The following TRPM1 variants were observed in gnomAD, a reference collection of about 807,000 sequenced individuals.
TRPM1 encodes transient receptor potential cation channel subfamily M member 1, also known as TRPM1-203 APA Isoform, Intron 10.
TRPM1 carries 113 observed loss-of-function variants against 149.4 expected under a neutral mutation model. The observed-to-expected ratio is 0.76, with a 90% confidence interval of 0.65 to 0.88. The LOEUF is 0.88. Ranked by LOEUF, TRPM1 falls within the 40% of genes least tolerant of loss-of-function variation. TRPM1 has a pLI of 0.00. For synonymous variants in TRPM1, 741 were observed against 759.5 expected, an observed-to-expected ratio of 0.98 and a Z score of 0.40; for missense variants, 1,976 against 2,038.7, an observed-to-expected ratio of 0.97 and a Z score of 0.59.
At position 31,035,533 on chromosome 15, in the gene TRPM1, T is replaced by C. The variant is rs1358402291; in HGVS notation, c.2700+13A>G. 18 of 1,613,958 alleles carry C rather than the reference T, an allele frequency of 1.1e-5. No individual in the cohort carries two copies. Among genetic ancestry groups the C allele is most frequent in the Non-Finnish European group, 1.4e-5 (17 of 1,179,994 alleles). On this transcript the variant is annotated intron_variant, in intron 21 of 27. Transcript: ENST00000256552. ...GCGGTTAGTGGGCTGGGGGAGGCCT[T>C]TGGAGTAGCCACCTCTCGTATCTTC... is the stretch of plus-strand genomic sequence containing the variant.
rs762017736 is a variant in TRPM1 at position 31,028,368 on chromosome 15, T to C, written c.3257A>G (p.Asn1086Ser). 3.1e-6 allele frequency: 5 copies of C among 1,614,170 alleles called. No homozygotes were observed. The highest frequency in any genetic ancestry group is 1.7e-5 in the Admixed American group (1 of 60,022). The change falls in exon 25 of 28, where the codon AAC becomes AGC. Residue 1086 changes from asparagine (N) to serine (S), a missense_variant. By Grantham distance (46) the Asn-to-Ser change is conservative. This residue lies in a region of TRPM1 where 72 missense variants were observed against 112.7 expected (regional missense o/e 0.64). Transcript: ENST00000256552. The part of the protein sequence containing the change: ...ALMACYLLVA[N>S]ILLVNLLIAV... ...AATCAGCAGGTTCACCAGCAGGATG[T>C]TGGCGACCAGTAGATAGCACGCCAT...
Position 31,027,016 on chromosome 15 carries a change from G to A in TRPM1, c.3395C>T (p.Pro1132Leu), listed in dbSNP as rs752745878. Residue 1132 changes from proline (P) to leucine (L), a missense_variant, in exon 26 of 28, where the codon CCG becomes CTG. By Grantham distance (98) the Pro-to-Leu change is moderately conservative (BLOSUM62 -3). Coordinates refer to ENST00000256552, the MANE Select transcript of TRPM1 (RefSeq NM_001252024.2). ...TFHDRPVLPP[P>L]MIILSHIYII... ...GTAGATGTGGCTTAAAATGATCATCGGTGGGGGCAGGACTGGCCTGTCATG... is the reference window on the plus strand; with the variant it reads ...GTAGATGTGGCTTAAAATGATCATCAGTGGGGGCAGGACTGGCCTGTCATG... The A allele has an allele frequency of 4.3e-6, 7 of 1,614,146 alleles. No individual in the cohort carries two copies. The highest frequency in any genetic ancestry group is 2.2e-5 in the South Asian group (2 of 91,084).
In TRPM1 at chr15:31,134,950, G is replaced by A. The variant is rs11853130; in HGVS notation, c.54+25956C>T. Among the ~76,000 whole-genome samples, 1,117 of 152,158 alleles carry A rather than the reference G, an allele frequency of 7.3e-3. 24 individuals carry two copies. The highest frequency in any genetic ancestry group is 0.026 in the African/African-American group (1,061 of 41,530). On this transcript the variant is annotated intron_variant, in intron 1 of 26. Transcript: ENST00000542188. ...TCTGGGAGGCAGCGGAGGTTGCAGT[G>A]AGCCAAGATCGTACTCCAGCCTGGG...
At chr15:31,028,872 A>G (rs1488483053) in intron 24 of TRPM1, among the ~76,000 whole-genome samples, 1 of 152,136 alleles carries the variant, frequency 6.6e-6, no homozygotes, top group Non-Finnish European at 1.5e-5. Flanking sequence ...TGGCTTTCAA[A>G]TATAAAAGTC....
chr15:31,144,460 C>T (rs1253858575), intron 1 of TRPM1, among the ~76,000 whole-genome samples: 1 of 152,042 alleles, frequency 6.6e-6, no homozygotes, highest in Non-Finnish European at 1.5e-5. Context: ...AAATAAAAGT[C>T]CAATCTGAGA....
chr15:31,105,367 A>G (rs2035588040), upstream of TRPM1, among the ~76,000 whole-genome samples: 2 of 152,128 alleles, frequency 1.3e-5, no homozygotes, highest in Admixed American at 6.5e-5. Flanking sequence ...TTCAGAAACT[A>G]GGATCTGCTT....
intron 27 of TRPM1, among the ~76,000 whole-genome samples, chr15:31,015,411 TAA>T (rs555343032): frequency 8.1e-5 from 11 of 135,200 alleles, no homozygotes; most frequent in Admixed American, 3.0e-4. Flanking sequence ...GACTCCGTCT[TAA>T]AAAAAAAAAA....
At chr15:31,143,362 G>T (rs1013090902) in intron 1 of TRPM1, among the ~76,000 whole-genome samples, 5 of 152,122 alleles carry the variant, frequency 3.3e-5, no homozygotes, top group African/African-American at 4.8e-5. Flanking sequence ...AGCATTGTTG[G>T]TTCATTTAAT....
chr15:31,115,117 G>GCATGGTGGCGGGTGCC (rs1333606185), intron 1 of TRPM1, among the ~76,000 whole-genome samples: 2 of 152,102 alleles, frequency 1.3e-5, no homozygotes, highest in Non-Finnish European at 2.9e-5. Context: ...CATTAGTCGA[G>GCATGGTGGCGGGTGCC]CATGGTGGCG....
At chr15:31,112,665 T>G (rs937234094) in intron 1 of TRPM1, among the ~76,000 whole-genome samples, 13 of 152,158 alleles carry the variant, frequency 8.5e-5, no homozygotes, top group African/African-American at 2.9e-4. Flanking sequence ...GAGATAGCTC[T>G]TAGAGTACTG....
intron 26 of TRPM1, 79 bp from the exon 27 acceptor site, chr15:31,026,350 C>G (rs2032754086): frequency 3.2e-6 from 5 of 1,550,574 alleles, no homozygotes; most frequent in Non-Finnish European, 4.4e-6. Flanking sequence ...TTTCACAGCC[C>G]CACTTTAATT....
intron 1 of TRPM1, among the ~76,000 whole-genome samples, chr15:31,107,703 C>T (rs970109825): frequency 7.2e-5 from 11 of 151,766 alleles, no homozygotes; most frequent in Admixed American, 2.0e-4. Context: ...TATAAATTTC[C>T]CTCTGAGCAC....
intron 27 of TRPM1, among the ~76,000 whole-genome samples, chr15:31,016,961 G>A (rs1210276580): frequency 3.9e-5 from 4 of 102,242 alleles, no homozygotes; most frequent in South Asian, 3.1e-4. Flanking sequence ...AAAACCTGGC[G>A]TACACACACA....
At chr15:31,092,702 G>A (rs1339242539) in intron 1 of TRPM1, among the ~76,000 whole-genome samples, 1 of 152,142 alleles carries the variant, frequency 6.6e-6, no homozygotes, top group Non-Finnish European at 1.5e-5. Flanking sequence ...AGACCGCACT[G>A]TTCATAAGCA....
At chr15:31,017,971 G>T (rs1472639029) in intron 27 of TRPM1, among the ~76,000 whole-genome samples, 1 of 152,202 alleles carries the variant, frequency 6.6e-6, no homozygotes, top group Non-Finnish European at 1.5e-5. Context: ...TCCTAGGAAG[G>T]ACTGAAACAT....
intron 1 of TRPM1, among the ~76,000 whole-genome samples, chr15:31,112,112 G>A (rs1029127944): frequency 1.3e-5 from 2 of 152,252 alleles, no homozygotes; most frequent in Non-Finnish European, 2.9e-5. Context: ...GGTAGGACAA[G>A]TGCTGGAAAG....
At position 31,047,117 on chromosome 15, in the gene TRPM1, T is replaced by C; in HGVS notation, c.1758A>G (p.Pro586=). 1 of 1,614,240 alleles carries C rather than the reference T, an allele frequency of 6.2e-7. No individual in the cohort carries two copies. The highest frequency in any genetic ancestry group is 8.5e-7 in the Non-Finnish European group (1 of 1,180,040). ...CACAGGCACTGAGTTCTACCCTCTT[T>C]GGTCCAAACAAGTTGTTGTAAAGGG... ...FRTLYNNLFG[P]KRPKALKLLG... Residue 586 remains proline (P), a synonymous_variant, in exon 15 of 28, where the codon CCA becomes CCG. Transcript: ENST00000256552.
Position 31,070,538 on chromosome 15 carries a change from T to C in TRPM1, c.84-312A>G, listed in dbSNP as rs546453069. 6.3e-5 allele frequency: 37 copies of C among 590,638 alleles called. 1 individual carries two copies. Among genetic ancestry groups the C allele is most frequent in the East Asian group, 3.3e-4 (9 of 27,272 alleles). The allele number at this position is 590,638 out of a possible 1,614,324, so 36.6% of individuals were successfully genotyped here. A position where few individuals can be genotyped will look rare whatever the true frequency, so the allele number is the denominator to read the frequency against. On this transcript the variant is annotated intron_variant, in intron 3 of 27. Coordinates refer to ENST00000256552, the MANE Select transcript of TRPM1 (RefSeq NM_001252024.2). ...GTACTAAACATTCTGTGACAAAGTA[T>C]AGACATGCCCTCCGAACATAGAGTT...
chr15:31,117,936 C>T (rs2035823856), intron 1 of TRPM1, among the ~76,000 whole-genome samples: 1 of 152,178 alleles, frequency 6.6e-6, no homozygotes, highest in Non-Finnish European at 1.5e-5. Context: ...AGAGAAGGAA[C>T]ATAGTATCCA....
Sources: gnomAD v4.1 joint callset for allele counts (sites outside exome capture counted in the v4.1 genomes callset) on GRCh38, gnomAD v4.1.1 for gene constraint, gnomAD v4.1.1 regional missense constraint, MANE v1.5 for transcripts, NCBI Gene and HGNC (gene_info 2026-07-23, HGNC 2026-07-21) for gene names.